PLA2G6: variants seen among roughly 807,000 people sequenced by gnomAD.
PLA2G6 encodes 85/88 kDa calcium-independent phospholipase A2.
A neutral mutation model predicts 83.8 loss-of-function variants in PLA2G6; 62 were observed. The observed-to-expected ratio is 0.74, with a 90% CI of 0.60 to 0.91. The LOEUF is 0.91. Ranked by LOEUF, PLA2G6 falls within the 40% of genes least tolerant of loss-of-function variation. PLA2G6 has a pLI of 0.00. For missense variants in PLA2G6, 944 were observed against 1,102.0 expected, an observed-to-expected ratio of 0.86 and a Z score of 2.03; for synonymous variants, 417 against 449.8, an observed-to-expected ratio of 0.93 and a Z score of 0.92.
chr22:38,135,170 T>C, intron 5 of PLA2G6, 86 bp from the exon 6 acceptor site: 1 of 883,482 alleles, frequency 1.1e-6, no homozygotes. Flanking sequence ...CTTCATCTAC[T>C]GCTTACAGAG....
At position 38,128,231 on chromosome 22, in the gene PLA2G6, A is replaced by T. The variant is rs548757606; in HGVS notation, c.1348+38T>A. The T allele has an allele frequency of 6.6e-5, 93 of 1,407,458 alleles. No individual in the cohort carries two copies. The highest frequency in any genetic ancestry group is 8.8e-5 in the Non-Finnish European group (89 of 1,010,116). 87.2% of individuals were successfully genotyped at this position (1,407,458 alleles called of 1,614,324 possible). On this transcript the variant is annotated intron_variant, in intron 9 of 16. Coordinates refer to ENST00000332509, the MANE Select transcript of PLA2G6 (RefSeq NM_003560.4). The surrounding 1 kb of genome is among the most constrained non-coding windows in gnomAD (Gnocchi z 4.4). ...CCTGCTGTGATCCAGGGGCCTGGGA[A>T]CCAGCTGGAGAAGAGGGAGTCGGGA...
intron 1 of PLA2G6, chr22:38,180,528 T>C (rs1046353343): frequency 6.6e-6 from 1 of 152,198 alleles, no homozygotes; most frequent in African/African-American, 2.4e-5. Flanking sequence ...GAAGAGAACA[T>C]ATACAGAAGA....
In PLA2G6 at chr22:38,132,535, G is replaced by A. The variant is rs1157627005; in HGVS notation, c.1077+296C>T. The A allele has an allele frequency of 3.8e-6, 2 of 524,104 alleles. No homozygotes were observed. Among genetic ancestry groups the A allele is most frequent in the Non-Finnish European group, 6.9e-6 (2 of 290,728 alleles). The allele number at this position is 524,104 out of a possible 1,614,324, so 32.5% of individuals were successfully genotyped here. A position where few individuals can be genotyped will look rare whatever the true frequency, so the allele number is the denominator to read the frequency against. On this transcript the variant is annotated intron_variant, in intron 7 of 16. Coordinates refer to ENST00000332509, the MANE Select transcript of PLA2G6 (RefSeq NM_003560.4). This position sits in a 1 kb window ranked among gnomAD's most constrained non-coding sequence, Gnocchi z 5.0. ...TGACAGGTGACATGGCTTGCTCAGG[G>A]CCAGTCTATGGCCAGAGCTGTCATT... is the stretch of plus-strand genomic sequence containing the variant.
chr22:38,161,986 C>T (rs1248406394), intron 2 of PLA2G6, among the ~76,000 whole-genome samples: 1 of 151,996 alleles, frequency 6.6e-6, no homozygotes, highest in Non-Finnish European at 1.5e-5. Flanking sequence ...AGGCATATCA[C>T]CTGAGGTCAG....
chr22:38,157,038 A>G (rs2089810683), intron 2 of PLA2G6, among the ~76,000 whole-genome samples: 2 of 152,212 alleles, frequency 1.3e-5, no homozygotes, highest in Admixed American at 6.5e-5. Context: ...AAAAACTTCA[A>G]AATAATCTAA....
rs954673051 is a variant in PLA2G6 at position 38,117,216 on chromosome 22, C to CT, written c.1743-1006dup. Among the ~76,000 whole-genome samples, 11 of 152,004 alleles carry CT rather than the reference C, an allele frequency of 7.2e-5. No homozygotes were observed. The East Asian group carries it at 1.5e-3, about 21-fold the overall frequency. On this transcript the variant is annotated intron_variant, in intron 12 of 16. Coordinates refer to ENST00000332509, the MANE Select transcript of PLA2G6 (RefSeq NM_003560.4). ...CGCCCACGAGCGTGGACACAAAAAT[C>CT]TTTTTTTTGAGACGGAGTCTCACTC...
intron 3 of PLA2G6, 28 bp downstream of exon 3, chr22:38,145,410 G>T (rs1276138585): frequency 2.6e-6 from 4 of 1,559,800 alleles, no homozygotes; most frequent in Non-Finnish European, 3.5e-6. Flanking sequence ...CACACACGTT[G>T]TCCAAATGGT....
In PLA2G6 at chr22:38,111,966, T is replaced by C. The variant is rs2086890811; in HGVS notation, c.*195A>G. 1.6e-6 allele frequency: 1 copy of C among 638,646 alleles called. No homozygotes were observed. Among genetic ancestry groups the C allele is most frequent in the Admixed American group, 2.5e-5 (1 of 39,804 alleles). 39.6% of individuals were successfully genotyped at this position (638,646 alleles called of 1,614,324 possible). A position where few individuals can be genotyped will look rare whatever the true frequency, so the allele number is the denominator to read the frequency against. On this transcript the variant is annotated 3_prime_UTR_variant, in exon 17 of 17. Coordinates refer to ENST00000332509, the MANE Select transcript of PLA2G6 (RefSeq NM_003560.4). ...TTTCCCAGCCTGGAATGACAGAAAG[T>C]GCTGGAAGGCGGGGTTAGTGGGAGA...
At chr22:38,112,605 C>T (rs772524061) in intron 15 of PLA2G6, 28 bp from the exon 16 acceptor site, 56 of 1,538,502 alleles carry the variant, frequency 3.6e-5, no homozygotes, top group East Asian at 1.2e-4. Flanking sequence ...TGGTGAGTGC[C>T]GGGCCCACAC....
At chr22:38,141,355 C>CA (rs2088892899) in intron 4 of PLA2G6, 2 of 152,206 alleles carry the variant, frequency 1.3e-5, no homozygotes, top group Non-Finnish European at 2.9e-5. Context: ...GATGCTGTCT[C>CA]AAAAAAAAGA....
In PLA2G6 at chr22:38,129,528, A is replaced by G. The variant is rs1463308836; in HGVS notation, c.1112T>C (p.Val371Ala). ...DNVEMIKALI[V>A]FGAEVDTPND... is the part of the protein sequence containing the mutation. ...CGGGGTGTCCACTTCTGCTCCGAAC[A>G]CGATGAGGGCCTTGATCATCTCCAC... The change falls in exon 8 of 17, where the codon GTG becomes GCG. Residue 371 changes from valine (V) to alanine (A), a missense_variant. Val to Ala is a moderately conservative substitution (Grantham distance 64, BLOSUM62 0). Transcript: ENST00000332509. The G allele has an allele frequency of 6.2e-7, 1 of 1,614,052 alleles. No individual in the cohort carries two copies. Among genetic ancestry groups the G allele is most frequent in the South Asian group, 1.1e-5 (1 of 91,080 alleles).
chr22:38,112,142 G>T lies in PLA2G6; in HGVS notation c.*19C>A. The T allele has an allele frequency of 1.3e-6, 2 of 1,568,366 alleles. No individual in the cohort carries two copies. The highest frequency in any genetic ancestry group is 2.3e-5 in the South Asian group (2 of 85,518). ...TGAATGGACGAGGTCAGCTGGGGCC[G>T]GTGAGAGGCTGGGGACCCTCAGGGT... On this transcript the variant is annotated 3_prime_UTR_variant, in exon 17 of 17. Transcript: ENST00000332509.
rs1282172314 is a variant in PLA2G6 at position 38,128,209 on chromosome 22, G to A, written c.1348+60C>T. 1.3e-6 allele frequency: 2 copies of A among 1,552,328 alleles called. No homozygotes were observed. The highest frequency in any genetic ancestry group is 1.4e-5 in the African/African-American group (1 of 73,640). Reference sequence around the variant, plus strand: ...GGATCCTGTTGCTTTGGTGGGGCCTGCTGTGATCCAGGGGCCTGGGAACCA... The same window carrying A: ...GGATCCTGTTGCTTTGGTGGGGCCTACTGTGATCCAGGGGCCTGGGAACCA... On this transcript the variant is annotated intron_variant, in intron 9 of 16. Transcript: ENST00000332509. The surrounding 1 kb of genome is among the most constrained non-coding windows in gnomAD (Gnocchi z 4.4).
intron 2 of PLA2G6, among the ~76,000 whole-genome samples, chr22:38,151,292 G>T (rs894525102): frequency 2.7e-5 from 4 of 150,168 alleles, no homozygotes; most frequent in African/African-American, 9.8e-5. Context: ...TGTCACCCAC[G>T]CTGGAGTGCA....
In PLA2G6 at chr22:38,115,690, G is replaced by A. The variant is rs375645986; in HGVS notation, c.1880-9C>T. On this transcript the variant is annotated splice_polypyrimidine_tract_variant and intron_variant, in intron 13 of 16. Transcript: ENST00000332509. ...CCGCCACACCAGCTGGTCTAGGGGC[G>A]GGGAAGGAGGGCGGCCCAGTGGCAC... 2.8e-5 allele frequency: 45 copies of A among 1,594,428 alleles called. No homozygotes were observed. Among genetic ancestry groups the A allele is most frequent in the South Asian group, 1.9e-4 (17 of 88,862 alleles).
intron 5 of PLA2G6, 185 bp from the exon 6 acceptor site, chr22:38,135,269 C>A: frequency 1.7e-6 from 1 of 598,540 alleles, no homozygotes; most frequent in Non-Finnish European, 3.0e-6. Flanking sequence ...ACAACTAACC[C>A]CCTCCTCCAG....
chr22:38,158,114 A>C lies in PLA2G6; in HGVS notation c.209+11104T>G, dbSNP rs1223825614. Among the ~76,000 whole-genome samples the C allele has an allele frequency of 2.6e-4, 39 of 151,612 alleles. 1 individual carries two copies. Among genetic ancestry groups the C allele is most frequent in the Admixed American group, 2.6e-3 (39 of 15,242 alleles). On this transcript the variant is annotated intron_variant, in intron 2 of 16. Transcript: ENST00000332509. ...GCCAGAAGTGGAAGTTCATCCTACA[A>C]GTTTGATACGTAGTATTTGCATCAT... is the stretch of plus-strand genomic sequence containing the variant.
At chr22:38,115,760 C>G in intron 13 of PLA2G6, 79 bp from the exon 14 acceptor site, 1 of 1,518,734 alleles carries the variant, frequency 6.6e-7, no homozygotes, top group African/African-American at 1.4e-5. Flanking sequence ...TCAGGGTGTG[C>G]GTGTTGGGGG....
At chr22:38,148,265 G>A (rs2089377463) in intron 2 of PLA2G6, 1 of 480,162 alleles carries the variant, frequency 2.1e-6, no homozygotes, top group Non-Finnish European at 3.8e-6. Context: ...GAGTTTTGCT[G>A]TGGTGAGGAG....
Sources: allele counts gnomAD v4.1 joint callset (sites outside exome capture counted in the v4.1 genomes callset), GRCh38; gene constraint gnomAD v4.1.1; non-coding constraint Gnocchi (gnomAD v3.1); transcripts MANE v1.5; gene names NCBI Gene and HGNC (gene_info 2026-07-23, HGNC 2026-07-21).